LRP1B: variants seen among roughly 807,000 people sequenced by gnomAD.
LRP1B encodes low-density lipoprotein receptor-related protein 1B.
A neutral mutation model predicts 556.6 loss-of-function variants in LRP1B; 217 were observed. The observed-to-expected ratio is 0.39, with a 90% CI of 0.35 to 0.44. The LOEUF (loss-of-function observed/expected upper bound fraction) is 0.44. Among genes scored for constraint, LRP1B ranks in the 20% least tolerant of loss-of-function variants. The pLI is 1.00. For synonymous variants in LRP1B, 2,047 were observed against 1,865.8 expected, an observed-to-expected ratio of 1.10 and a Z score of -2.50; for missense variants, 5,053 against 5,620.8, an observed-to-expected ratio of 0.90 and a Z score of 3.23.
intron 2 of LRP1B, among the ~76,000 whole-genome samples, chr2:141,618,894 T>C (rs990686864): frequency 2.6e-5 from 4 of 152,184 alleles, no homozygotes; most frequent in African/African-American, 9.7e-5. Context: ...TCTTACATAA[T>C]TTGAACTAAG....
At chr2:141,576,598 T>G (rs1356039357) in intron 2 of LRP1B, among the ~76,000 whole-genome samples, 1 of 152,054 alleles carries the variant, frequency 6.6e-6, no homozygotes, top group Non-Finnish European at 1.5e-5. Context: ...TAAAAAAATT[T>G]TAAACATTAG....
At chr2:140,445,618 G>C (rs1468855431) in intron 63 of LRP1B, among the ~76,000 whole-genome samples, 1 of 151,716 alleles carries the variant, frequency 6.6e-6, no homozygotes, top group Admixed American at 6.6e-5. Context: ...TATTATCTGG[G>C]AATAATAATA....
chr2:140,932,120 A>G (rs979601774), intron 20 of LRP1B, among the ~76,000 whole-genome samples: 1 of 152,176 alleles, frequency 6.6e-6, no homozygotes, highest in Non-Finnish European at 1.5e-5. Flanking sequence ...CATACTTATG[A>G]GATATCTCTG....
At chr2:141,141,345 G>C (rs564328744) in intron 7 of LRP1B, among the ~76,000 whole-genome samples, 2 of 151,726 alleles carry the variant, frequency 1.3e-5, no homozygotes, top group African/African-American at 4.8e-5. Context: ...CATTTATTTT[G>C]ATTGTCCTAA....
rs547648107 is a variant in LRP1B, at chr2:140,544,953, A to G, written c.7195-2982T>C. On this transcript the variant is annotated intron_variant, in intron 43 of 90. Transcript: ENST00000389484. ...TCTTTTTCTCTACAACCTTGGCAGC[A>G]TCTGTTACTTATTGACTTTTTAATA... Among the ~76,000 whole-genome samples the G allele has an allele frequency of 2.0e-5, 3 of 152,082 alleles. No individual in the cohort carries two copies. In the South Asian group the frequency reaches 6.2e-4, roughly 32 times the overall value.
intron 86 of LRP1B, among the ~76,000 whole-genome samples, chr2:140,253,195 T>G (rs1298186685): frequency 6.6e-6 from 1 of 152,044 alleles, no homozygotes; most frequent in Non-Finnish European, 1.5e-5. Context: ...AAACATTTGT[T>G]AACTAATACT....
intron 57 of LRP1B, among the ~76,000 whole-genome samples, chr2:140,490,728 T>C (rs1012196488): frequency 6.6e-6 from 1 of 152,080 alleles, no homozygotes; most frequent in African/African-American, 2.4e-5. Flanking sequence ...CTGAAAGAAA[T>C]GACATATTCC....
intron 1 of LRP1B, among the ~76,000 whole-genome samples, chr2:141,936,660 G>A (rs575949684): frequency 1.6e-4 from 25 of 152,150 alleles, no homozygotes; most frequent in African/African-American, 5.5e-4. Flanking sequence ...TTTTTCTTAG[G>A]AACTGCCAAA....
chr2:141,928,445 G>T (rs1182471335), intron 1 of LRP1B, among the ~76,000 whole-genome samples: 1 of 152,012 alleles, frequency 6.6e-6, no homozygotes, highest in African/African-American at 2.4e-5. Flanking sequence ...TAATATAAAG[G>T]CTTTGAAACA....
At chr2:142,130,419 G>A (rs930265240) in intron 1 of LRP1B, among the ~76,000 whole-genome samples, 1 of 152,180 alleles carries the variant, frequency 6.6e-6, no homozygotes, top group Admixed American at 6.5e-5. Flanking sequence ...AATGGGGACC[G>A]GGAAACGGCC....
In LRP1B at chr2:140,285,872, T is replaced by A. The variant is rs1413674919; in HGVS notation, c.12968-11274A>T. Among the ~76,000 whole-genome samples the A allele has an allele frequency of 3.3e-5, 5 of 151,750 alleles. No individual in the cohort carries two copies. The East Asian group carries it at 7.8e-4, about 24-fold the overall frequency. On this transcript the variant is annotated intron_variant, in intron 84 of 90. Coordinates refer to ENST00000389484, the MANE Select transcript of LRP1B (RefSeq NM_018557.3). ...ACTCTTTCATTGTGTATAGTGTACA[T>A]GAAGATAGTGCAGTGAGAAACTATA...
intron 2 of LRP1B, among the ~76,000 whole-genome samples, chr2:141,746,385 G>T (rs1174074502): frequency 6.6e-6 from 1 of 152,154 alleles, no homozygotes; most frequent in Non-Finnish European, 1.5e-5. Context: ...GTGGATGGGT[G>T]CTGGCTGAGT....
At chr2:141,753,454 C>T (rs1360014606) in intron 2 of LRP1B, among the ~76,000 whole-genome samples, 6 of 151,558 alleles carry the variant, frequency 4.0e-5, no homozygotes, top group African/African-American at 1.2e-4. Flanking sequence ...TAAATGCTCA[C>T]GCTGTCCACT....
At chr2:140,691,375 G>A (rs1056733937) in intron 41 of LRP1B, among the ~76,000 whole-genome samples, 1 of 151,748 alleles carries the variant, frequency 6.6e-6, no homozygotes, top group African/African-American at 2.4e-5. Context: ...GAAGGCTGAG[G>A]CAGGAGAATC....
At chr2:140,401,903 TATA>T (rs1468535846) in intron 66 of LRP1B, among the ~76,000 whole-genome samples, 1 of 152,206 alleles carries the variant, frequency 6.6e-6, no homozygotes, top group Non-Finnish European at 1.5e-5. Flanking sequence ...TCACTACTAT[TATA>T]ATCAGAATTT....
chr2:140,707,205 A>C (rs1050702952), intron 37 of LRP1B, among the ~76,000 whole-genome samples: 3 of 152,092 alleles, frequency 2.0e-5, no homozygotes, highest in African/African-American at 7.2e-5. Context: ...CTAAGTGAGT[A>C]TGATTTAGAT....
intron 1 of LRP1B, among the ~76,000 whole-genome samples, chr2:142,000,878 T>A (rs888808194): frequency 6.6e-6 from 1 of 152,100 alleles, no homozygotes; most frequent in Non-Finnish European, 1.5e-5. Context: ...GCTCCTGATA[T>A]GGTTTGGCTG....
chr2:140,290,216 TAAG>T (rs1289874295), intron 84 of LRP1B, among the ~76,000 whole-genome samples: 2 of 151,954 alleles, frequency 1.3e-5, no homozygotes, highest in African/African-American at 4.8e-5. Context: ...AAAGGAGAGT[TAAG>T]AAGACAAAGT....
In LRP1B at chr2:140,765,354, G is replaced by A. The variant is rs1040538745; in HGVS notation, c.5758+3859C>T. Among the ~76,000 whole-genome samples the A allele has an allele frequency of 2.0e-5, 3 of 152,104 alleles. No homozygotes were observed. In the South Asian group the frequency reaches 6.2e-4, roughly 31 times the overall value. On this transcript the variant is annotated intron_variant, in intron 35 of 90. Transcript: ENST00000389484. ...CCAATTGTTTCATTATTAAGGAGAAGTCATAAGTACCCCAAGGGGAGGGAG... is the reference window on the plus strand; with the variant it reads ...CCAATTGTTTCATTATTAAGGAGAAATCATAAGTACCCCAAGGGGAGGGAG...
Sources: gnomAD v4.1 joint callset for allele counts (sites outside exome capture counted in the v4.1 genomes callset) on GRCh38, gnomAD v4.1.1 for gene constraint, MANE v1.5 for transcripts, NCBI Gene and HGNC (gene_info 2026-07-23, HGNC 2026-07-21) for gene names.